Variants in PPM1L observed in about 807,000 individuals in gnomAD.
PPM1L encodes the protein protein phosphatase, Mg2+/Mn2+ dependent 1L.
PPM1L carries 13 observed loss-of-function variants against 31.4 expected under a neutral mutation model. The observed-to-expected ratio is 0.41, with a 90% CI of 0.27 to 0.66. The LOEUF is 0.66. Ranked by LOEUF, PPM1L falls within the 30% of genes least tolerant of loss-of-function variation. The pLI, the probability that PPM1L is intolerant of heterozygous loss-of-function variation, is 0.29. For synonymous variants in PPM1L, 184 were observed against 175.4 expected (o/e 1.05, Z -0.39); for missense variants, 326 against 453.7 (o/e 0.72, Z 2.56).
chr3:160,922,049 A>G (rs59647128), intron 1 of PPM1L, among the ~76,000 whole-genome samples: 9,542 of 152,208 alleles, frequency 0.063, 358 homozygotes, highest in Admixed American at 0.1. Context: ...GGTGGCTCAC[A>G]CCTGTAATCC....
chr3:160,946,508 C>A (rs1023754832), intron 1 of PPM1L, among the ~76,000 whole-genome samples: 1 of 152,052 alleles, frequency 6.6e-6, no homozygotes, highest in Non-Finnish European at 1.5e-5. Context: ...GTGGAAAAAC[C>A]CCTGAAGATG....
intron 1 of PPM1L, among the ~76,000 whole-genome samples, chr3:160,833,933 C>T (rs1193101925): frequency 1.3e-5 from 2 of 150,060 alleles, no homozygotes; most frequent in East Asian, 3.9e-4. Flanking sequence ...TTTAACCCAT[C>T]TTGAGGTAAT....
intron 1 of PPM1L, among the ~76,000 whole-genome samples, chr3:160,766,785 T>A (rs2108058260): frequency 6.6e-6 from 1 of 151,092 alleles, no homozygotes; most frequent in African/African-American, 2.4e-5. Flanking sequence ...TTCTTGATAA[T>A]AGGGCCCAAT....
intron 2 of PPM1L, among the ~76,000 whole-genome samples, chr3:161,001,287 TG>T (rs150641730): frequency 0.018 from 2,771 of 152,232 alleles, 75 homozygotes; most frequent in African/African-American, 0.062. Flanking sequence ...TATAGTTTTT[TG>T]TTTTTTGTTC....
chr3:160,907,936 G>A (rs1221305320), intron 1 of PPM1L, among the ~76,000 whole-genome samples: 4 of 152,202 alleles, frequency 2.6e-5, no homozygotes, highest in African/African-American at 9.6e-5. Flanking sequence ...AAACCTACGA[G>A]AATCCAGAAG....
In PPM1L at chr3:161,072,120, GGGGA is replaced by G. The variant is rs1385147155; in HGVS notation, c.*2968_*2971del. On this transcript the variant is annotated 3_prime_UTR_variant, in exon 4 of 4. Transcript: ENST00000498165. ...CAATTTGTACTCTTAACATAGGTTG[GGGGA>G]GGGACAGCTAGGGAAATTTTTTTTA... 6.7e-6 allele frequency: 1 copy of G among 149,698 alleles called. No homozygotes were observed. Among genetic ancestry groups the G allele is most frequent in the African/African-American group, 2.5e-5 (1 of 39,578 alleles). 9.3% of individuals were successfully genotyped at this position (149,698 alleles called of 1,614,324 possible).
intron 2 of PPM1L, among the ~76,000 whole-genome samples, chr3:160,980,430 A>G (rs1213205417): frequency 6.6e-6 from 1 of 151,926 alleles, no homozygotes; most frequent in African/African-American, 2.4e-5. Flanking sequence ...TAATCCCAGC[A>G]CTTTGGGAGG....
intron 2 of PPM1L, among the ~76,000 whole-genome samples, chr3:161,043,856 T>G (rs17405707): frequency 0.046 from 7,011 of 152,158 alleles, 186 homozygotes; most frequent in Non-Finnish European, 0.062. Context: ...CTGGTGGTGT[T>G]TCGAAAGTGA....
chr3:160,929,822 G>C (rs924337306), intron 1 of PPM1L, among the ~76,000 whole-genome samples: 1 of 152,206 alleles, frequency 6.6e-6, no homozygotes, highest in South Asian at 2.1e-4. Context: ...ATCCTGGACA[G>C]ACAAGCACTG....
chr3:161,026,786 A>G (rs1032138411), intron 2 of PPM1L, among the ~76,000 whole-genome samples: 3 of 152,044 alleles, frequency 2.0e-5, no homozygotes, highest in African/African-American at 7.3e-5. Context: ...CTGGTTTTTA[A>G]TGGCCAGACT....
chr3:160,929,581 C>G (rs1360700402), intron 1 of PPM1L, among the ~76,000 whole-genome samples: 1 of 152,222 alleles, frequency 6.6e-6, no homozygotes, highest in Non-Finnish European at 1.5e-5. Flanking sequence ...TTAAAGCTGA[C>G]TCTTCCTGCT....
chr3:161,042,007 A>G (rs1718924229), intron 2 of PPM1L, among the ~76,000 whole-genome samples: 1 of 151,932 alleles, frequency 6.6e-6, no homozygotes, highest in African/African-American at 2.4e-5. Flanking sequence ...TACTTATTCA[A>G]CTCCCCACCA....
At chr3:160,809,330 C>T (rs1712738259) in intron 1 of PPM1L, among the ~76,000 whole-genome samples, 2 of 152,126 alleles carry the variant, frequency 1.3e-5, no homozygotes, top group Non-Finnish European at 2.9e-5. Flanking sequence ...AAAAAATTCC[C>T]ATCCCTACCT....
At chr3:161,048,321 A>G (rs1163932632) in intron 2 of PPM1L, among the ~76,000 whole-genome samples, 3 of 152,252 alleles carry the variant, frequency 2.0e-5, no homozygotes, top group Admixed American at 6.5e-5. Context: ...CAACAGACAC[A>G]TGATAAAAGG....
chr3:160,966,088 A>G (rs1417488392), intron 2 of PPM1L, among the ~76,000 whole-genome samples: 1 of 152,026 alleles, frequency 6.6e-6, no homozygotes, highest in African/African-American at 2.4e-5. Flanking sequence ...CAGCAAAGAA[A>G]TGGGAAGTGA....
At chr3:160,979,993 C>T (rs1298595952) in intron 2 of PPM1L, among the ~76,000 whole-genome samples, 1 of 152,028 alleles carries the variant, frequency 6.6e-6, no homozygotes, top group Non-Finnish European at 1.5e-5. Context: ...GACACCAGGG[C>T]TTCTACCATA....
intron 2 of PPM1L, among the ~76,000 whole-genome samples, chr3:160,998,664 T>C (rs1471799999): frequency 4.6e-5 from 7 of 152,136 alleles, no homozygotes; most frequent in Admixed American, 4.6e-4. Context: ...AGTAAATAAA[T>C]GTATTGGCAA....
At chr3:160,809,606 C>A (rs547582099) in intron 1 of PPM1L, among the ~76,000 whole-genome samples, 1 of 152,130 alleles carries the variant, frequency 6.6e-6, no homozygotes, top group Admixed American at 6.5e-5. Flanking sequence ...TAGCAGTGGG[C>A]CTTGGGAGCT....
chr3:160,954,172 C>T (rs1042526936), intron 1 of PPM1L, among the ~76,000 whole-genome samples: 2 of 152,156 alleles, frequency 1.3e-5, no homozygotes, highest in South Asian at 2.1e-4. Context: ...GGATTACATA[C>T]GCTAACACAT....
Sources: gnomAD v4.1 joint callset for allele counts (sites outside exome capture counted in the v4.1 genomes callset) on GRCh38, gnomAD v4.1.1 for gene constraint, MANE v1.5 for transcripts, NCBI Gene and HGNC (gene_info 2026-07-23, HGNC 2026-07-21) for gene names.